Variants in SGCZ observed in about 807,000 individuals in gnomAD.
SGCZ encodes the protein sarcoglycan zeta.
In SGCZ, 40 loss-of-function variants were observed where a neutral mutation model predicts 41.3. The ratio of observed to expected loss-of-function variants is 0.97; its 90% CI spans 0.75 to 1.26. The LOEUF (loss-of-function observed/expected upper bound fraction) is 1.26. SGCZ is among the 50% of genes most tolerant of loss of function. The pLI is 0.00. For missense variants in SGCZ, 552 were observed against 369.8 expected, an observed-to-expected ratio of 1.49 and a Z score of -4.04; for synonymous variants, 206 against 137.5, an observed-to-expected ratio of 1.50 and a Z score of -3.49.
intron 1 of SGCZ, among the ~76,000 whole-genome samples, chr8:14,604,487 T>C (rs1563146728): frequency 6.6e-6 from 1 of 152,154 alleles, no homozygotes; most frequent in South Asian, 2.1e-4. Context: ...GACATAGGCA[T>C]ACTCTTGGTA....
chr8:14,404,797 A>G (rs941018319), intron 2 of SGCZ, among the ~76,000 whole-genome samples: 4 of 152,242 alleles, frequency 2.6e-5, no homozygotes. Flanking sequence ...AAACCTGCAA[A>G]TTACATCGTC....
intron 3 of SGCZ, among the ~76,000 whole-genome samples, chr8:14,281,055 T>G (rs930707221): frequency 6.6e-6 from 1 of 151,902 alleles, no homozygotes; most frequent in African/African-American, 2.4e-5. Context: ...ACTATAAAAT[T>G]TGAGACCTTA....
intron 1 of SGCZ, among the ~76,000 whole-genome samples, chr8:15,033,570 C>G (rs1159302351): frequency 1.3e-5 from 2 of 152,062 alleles, no homozygotes; most frequent in African/African-American, 4.8e-5. Context: ...TCCTGTACAC[C>G]AAGACTCCAG....
intron 1 of SGCZ, among the ~76,000 whole-genome samples, chr8:15,161,524 C>T (rs1799511956): frequency 6.6e-6 from 1 of 152,252 alleles, no homozygotes; most frequent in Non-Finnish European, 1.5e-5. Context: ...CAGCAGTGGG[C>T]AGTGCCTGGT....
Position 14,108,247 on chromosome 8 carries a change from A to G in SGCZ, c.548-12T>C, listed in dbSNP as rs746608398. On this transcript the variant is annotated splice_polypyrimidine_tract_variant and intron_variant, in intron 5 of 7. Coordinates refer to ENST00000382080, the MANE Select transcript of SGCZ (RefSeq NM_139167.4). Reference sequence around the variant, plus strand: ...GGCTCCTTCAGTGCCTGGGGGTAGCATGAATATAGCAGTCAGTATAAGCAA... The same window carrying G: ...GGCTCCTTCAGTGCCTGGGGGTAGCGTGAATATAGCAGTCAGTATAAGCAA... The G allele has an allele frequency of 3.1e-6, 5 of 1,613,646 alleles. No individual in the cohort carries two copies. In the African/African-American group the frequency reaches 5.3e-5, roughly 17 times the overall value.
In SGCZ at chr8:15,214,354, A is replaced by C. The variant is rs1228370348; in HGVS notation, c.39+23231T>G. 2.0e-5 allele frequency among the ~76,000 whole-genome samples: 3 copies of C among 152,168 alleles called. No homozygotes were observed. In the East Asian group the frequency reaches 5.8e-4, roughly 29 times the overall value. On this transcript the variant is annotated intron_variant, in intron 1 of 7. Coordinates refer to ENST00000382080, the MANE Select transcript of SGCZ (RefSeq NM_139167.4). ...ATGTATTATTTAAATCACTTTAAAC[A>C]GTGTTTCACTTTATAGGAGTTTCTA...
At chr8:14,594,535 C>T (rs1014226137) in intron 1 of SGCZ, among the ~76,000 whole-genome samples, 2 of 150,154 alleles carry the variant, frequency 1.3e-5, no homozygotes, top group African/African-American at 5.1e-5. Context: ...ACTATAAAGC[C>T]ATATAAAAGC....
chr8:14,612,027 A>G (rs992300349), intron 1 of SGCZ, among the ~76,000 whole-genome samples: 4 of 152,368 alleles, frequency 2.6e-5, no homozygotes, highest in African/African-American at 9.6e-5. Context: ...TTAATAAGCC[A>G]TTAAAAAATT....
rs1183210302 is a variant in SGCZ at position 15,172,154 on chromosome 8, GTT to G, written c.39+65429_39+65430del. ...AGGAAAAAAATGCCTTTTATACTCTGTTTTTTTTTTTTTTTTTTTTTTTTTGA... is the reference window on the plus strand; with the variant it reads ...AGGAAAAAAATGCCTTTTATACTCTGTTTTTTTTTTTTTTTTTTTTTTTGA... On this transcript the variant is annotated intron_variant, in intron 1 of 7. Transcript: ENST00000382080. Among the ~76,000 whole-genome samples, 365 of 71,710 alleles carry G rather than the reference GTT, an allele frequency of 5.1e-3. 4 individuals carry two copies. The highest frequency in any genetic ancestry group is 0.018 in the African/African-American group (350 of 19,512). The allele number at this position is 71,710 out of a possible 152,430, so 47.0% of individuals were successfully genotyped here.
At chr8:14,505,550 A>G (rs1397468245) in intron 2 of SGCZ, among the ~76,000 whole-genome samples, 1 of 152,174 alleles carries the variant, frequency 6.6e-6, no homozygotes, top group East Asian at 1.9e-4. Flanking sequence ...TGCAAATCAC[A>G]TAATCTCAGC....
intron 2 of SGCZ, among the ~76,000 whole-genome samples, chr8:14,484,559 G>A (rs1801622088): frequency 6.6e-6 from 1 of 152,024 alleles, no homozygotes; most frequent in African/African-American, 2.4e-5. Context: ...CAGTACAATG[G>A]GAGCATCCTG....
chr8:14,745,552 G>A (rs866297915), intron 1 of SGCZ, among the ~76,000 whole-genome samples: 1 of 152,040 alleles, frequency 6.6e-6, no homozygotes, highest in Non-Finnish European at 1.5e-5. Context: ...ACTGTACCAG[G>A]TGACAGAGTG....
chr8:14,375,017 G>T (rs551899661), intron 2 of SGCZ, among the ~76,000 whole-genome samples: 1 of 152,234 alleles, frequency 6.6e-6, no homozygotes, highest in East Asian at 1.9e-4. Context: ...ATGACTATGT[G>T]GATGAAGCAC....
At chr8:14,810,246 G>T (rs1801699624) in intron 1 of SGCZ, among the ~76,000 whole-genome samples, 1 of 151,946 alleles carries the variant, frequency 6.6e-6, no homozygotes, top group Non-Finnish European at 1.5e-5. Context: ...TTCTGTTACT[G>T]AAAATCAAAA....
intron 1 of SGCZ, among the ~76,000 whole-genome samples, chr8:15,142,591 C>A (rs1250627762): frequency 2.0e-5 from 3 of 151,904 alleles, no homozygotes; most frequent in Non-Finnish European, 2.9e-5. Flanking sequence ...CCCCAATTAC[C>A]ATCCAGTCTT....
At chr8:14,291,231 T>C (rs62497761) in intron 3 of SGCZ, among the ~76,000 whole-genome samples, 7,518 of 152,130 alleles carry the variant, frequency 0.049, 295 homozygotes, top group East Asian at 0.18. Flanking sequence ...TAGGTATCTA[T>C]TGCCTAGTAG....
intron 2 of SGCZ, among the ~76,000 whole-genome samples, chr8:14,440,339 G>A (rs1224525109): frequency 6.6e-6 from 1 of 151,970 alleles, no homozygotes; most frequent in African/African-American, 2.4e-5. Context: ...TGTAGCTTAA[G>A]GAAATCTTAG....
intron 2 of SGCZ, among the ~76,000 whole-genome samples, chr8:14,430,014 C>G (rs1021323391): frequency 2.6e-5 from 4 of 152,048 alleles, no homozygotes; most frequent in African/African-American, 9.7e-5. Flanking sequence ...TCTCCCATTT[C>G]ATTTCTAATT....
intron 4 of SGCZ, among the ~76,000 whole-genome samples, chr8:14,226,403 A>C (rs1413822646): frequency 2.0e-5 from 3 of 152,062 alleles, no homozygotes; most frequent in Non-Finnish European, 4.4e-5. Flanking sequence ...ACCCTCCCCC[A>C]TACCATCCCT....
Sources: gnomAD v4.1 joint callset for allele counts (sites outside exome capture counted in the v4.1 genomes callset) on GRCh38, gnomAD v4.1.1 for gene constraint, MANE v1.5 for transcripts, NCBI Gene and HGNC (gene_info 2026-07-23, HGNC 2026-07-21) for gene names.